The following RASGRF1 variants were observed in gnomAD, a reference collection of about 807,000 sequenced individuals.
The protein encoded by RASGRF1 is ras-specific guanine nucleotide-releasing factor 1.
In RASGRF1, 40 loss-of-function variants were observed where a neutral mutation model predicts 138.7. The observed-to-expected ratio is 0.29, with a 90% CI of 0.22 to 0.38. RASGRF1 has a LOEUF of 0.38. Ranked by LOEUF, RASGRF1 falls within the 10% of genes least tolerant of loss-of-function variation. The probability of loss-of-function intolerance (pLI) is 1.00; values close to 1 mark genes in which losing one functional copy is unlikely to be tolerated. For missense variants in RASGRF1, 1,108 were observed against 1,650.4 expected (o/e 0.67, Z 5.69); for synonymous variants, 614 against 663.2 (o/e 0.93, Z 1.14).
rs2056439933 is a variant in RASGRF1, at chr15:78,998,295, C to T, written c.2854-87G>A. ...GGGCCCAGGCCAGAGGAAGGAGCTC[C>T]AGTTTCTATTCTGCCCAGGGCAGGC... On this transcript the variant is annotated intron_variant, in intron 18 of 26. Coordinates refer to ENST00000558480, the MANE Select transcript of RASGRF1 (RefSeq NM_001145648.3). 3.5e-6 allele frequency: 4 copies of T among 1,142,896 alleles called. No individual in the cohort carries two copies. In the Admixed American group the frequency reaches 5.7e-5, roughly 16 times the overall value. The allele number at this position is 1,142,896 out of a possible 1,614,324, so 70.8% of individuals were successfully genotyped here.
chr15:79,067,116 G>A (rs142951067), intron 1 of RASGRF1, among the ~76,000 whole-genome samples: 5 of 152,264 alleles, frequency 3.3e-5, no homozygotes, highest in African/African-American at 7.2e-5. Flanking sequence ...CAGGCTTAGC[G>A]TTCAAGTGAA....
chr15:79,012,981 C>A (rs1386676111), intron 13 of RASGRF1, among the ~76,000 whole-genome samples: 1 of 152,222 alleles, frequency 6.6e-6, no homozygotes, highest in Non-Finnish European at 1.5e-5. Context: ...AATGGGCACC[C>A]TTTCCAGAGC....
chr15:79,008,550 A>C (rs967208629), intron 13 of RASGRF1, among the ~76,000 whole-genome samples: 1 of 152,216 alleles, frequency 6.6e-6, no homozygotes. Context: ...GGAGTAATCC[A>C]AGGTCAGAAG....
In RASGRF1 at chr15:78,987,928, C is replaced by T. The variant is rs78222567; in HGVS notation, c.3216+2261G>A. 5.9e-3 allele frequency among the ~76,000 whole-genome samples: 900 copies of T among 152,252 alleles called. 2 individuals carry two copies. Among genetic ancestry groups the T allele is most frequent in the Middle Eastern group, 0.014 (4 of 292 alleles). ...CAGCTTGGCCATGGTCCTGAAGATC[C>T]TGGCCAGTACCAGTTAAGAGGACAA... On this transcript the variant is annotated intron_variant, in intron 22 of 26. Transcript: ENST00000558480.
chr15:79,059,292 CCCTAT>C (rs1422525459), intron 2 of RASGRF1, among the ~76,000 whole-genome samples: 2 of 127,342 alleles, frequency 1.6e-5, no homozygotes, highest in African/African-American at 2.9e-5. Context: ...CCCTTCCCTT[CCCTAT>C]CCTTCCCTTC....
intron 1 of RASGRF1, among the ~76,000 whole-genome samples, chr15:79,069,226 G>T (rs1799137454): frequency 6.6e-6 from 1 of 152,222 alleles, no homozygotes; most frequent in South Asian, 2.1e-4. Context: ...ACAGACACAT[G>T]AATGCTTCAC....
intron 20 of RASGRF1, 125 bp from the exon 21 acceptor site, chr15:78,991,919 G>T (rs535604931): frequency 1.5e-6 from 1 of 683,382 alleles, no homozygotes; most frequent in Non-Finnish European, 2.6e-6. Flanking sequence ...GGGGTATGAC[G>T]CTGCCTCGAA....
At chr15:79,068,523 G>GTA (rs1200186327) in intron 1 of RASGRF1, among the ~76,000 whole-genome samples, 4 of 146,290 alleles carry the variant, frequency 2.7e-5, no homozygotes, top group African/African-American at 7.5e-5. Flanking sequence ...ATATGTATAA[G>GTA]TATATATATA....
intron 24 of RASGRF1, chr15:78,978,534 T>C (rs2055932137): frequency 1.0e-6 from 1 of 986,392 alleles, no homozygotes; most frequent in Non-Finnish European, 1.2e-6. Flanking sequence ...CCGAATTGGA[T>C]ATCTTAATGA....
chr15:78,972,050 A>G, intron 25 of RASGRF1, 116 bp from the exon 26 acceptor site: 1 of 898,666 alleles, frequency 1.1e-6, no homozygotes. Context: ...TTAATTCCAT[A>G]CATGTTGCCT....
At chr15:78,984,770 C>G (rs931040649) in intron 23 of RASGRF1, 7 of 563,154 alleles carry the variant, frequency 1.2e-5, no homozygotes, top group East Asian at 3.1e-5. Flanking sequence ...ATTCTTTCCA[C>G]TTTGAGGTAT....
At chr15:79,065,362 C>T (rs921278845) in intron 1 of RASGRF1, among the ~76,000 whole-genome samples, 1 of 148,078 alleles carries the variant, frequency 6.8e-6, no homozygotes, top group African/African-American at 2.5e-5. Flanking sequence ...GTCCAGAGCT[C>T]ATAGCATATT....
intron 22 of RASGRF1, among the ~76,000 whole-genome samples, chr15:78,987,743 C>T (rs954712259): frequency 6.6e-6 from 1 of 151,984 alleles, no homozygotes; most frequent in South Asian, 2.1e-4. Flanking sequence ...CCACAAAAAA[C>T]CCAAGAAGGA....
At chr15:78,998,246 T>G (rs2056439062) in intron 18 of RASGRF1, 38 bp from the exon 19 acceptor site, 1 of 1,541,788 alleles carries the variant, frequency 6.5e-7, no homozygotes, top group Non-Finnish European at 9.0e-7. Flanking sequence ...TGGTTACTGT[T>G]TTTGAGCTGC....
intron 1 of RASGRF1, among the ~76,000 whole-genome samples, chr15:79,087,900 C>G (rs1314565777): frequency 6.6e-6 from 1 of 152,210 alleles, no homozygotes; most frequent in Non-Finnish European, 1.5e-5. Flanking sequence ...TCATCTGCTA[C>G]TTTTAACCCG....
intron 13 of RASGRF1, among the ~76,000 whole-genome samples, chr15:79,011,357 T>C (rs1196445069): frequency 6.6e-6 from 1 of 152,106 alleles, no homozygotes; most frequent in Non-Finnish European, 1.5e-5. Context: ...AGATTTATAC[T>C]AGACACAGTA....
At position 79,090,263 on chromosome 15, in the gene RASGRF1, G is replaced by T. The variant is rs1016058636; in HGVS notation, c.236C>A (p.Pro79His). Residue 79 changes from proline to histidine, a missense_variant, in exon 1 of 27, where the codon CCC becomes CAC. Around this residue, in one of 3 missense-constraint regions of RASGRF1, gnomAD observed 253 missense variants for 329.5 expected, o/e 0.77. Transcript: ENST00000558480. ...CTCCTTGGCCGACAGCGCCGGCTTG[G>T]GGGAGGGCGCGCGGTCGCAGACGCA... ...EGCVCDRAPSPKPALSAKEPL... is the reference protein window; with the variant it reads ...EGCVCDRAPSHKPALSAKEPL... 2.5e-6 allele frequency: 4 copies of T among 1,610,984 alleles called. No homozygotes were observed. In the South Asian group the frequency reaches 4.4e-5, roughly 18 times the overall value.
Position 78,973,755 on chromosome 15 carries a change from C to T in RASGRF1, c.3495-335G>A, listed in dbSNP as rs1334248272. Reference sequence around the variant, plus strand: ...CCCAGTCAGTCCCTGGGCTCTGTCACCAGCCCCTCTGGACTCACCTTTCCT... The same window carrying T: ...CCCAGTCAGTCCCTGGGCTCTGTCATCAGCCCCTCTGGACTCACCTTTCCT... On this transcript the variant is annotated intron_variant, in intron 24 of 26. Transcript: ENST00000558480. The surrounding 1 kb of genome is among the most constrained non-coding windows in gnomAD (Gnocchi z 4.9). Among the ~76,000 whole-genome samples, 1 of 152,158 alleles carries T rather than the reference C, an allele frequency of 6.6e-6. No homozygotes were observed. The highest frequency in any genetic ancestry group is 2.4e-5 in the African/African-American group (1 of 41,432).
chr15:78,990,101 C>G, intron 22 of RASGRF1, 88 bp downstream of exon 22: 1 of 1,105,060 alleles, frequency 9.0e-7, no homozygotes, highest in Non-Finnish European at 1.4e-6. Flanking sequence ...TGGTTCCAGC[C>G]AGGTGTATAG....
Sources: allele counts gnomAD v4.1 joint callset (sites outside exome capture counted in the v4.1 genomes callset), GRCh38; gene constraint gnomAD v4.1.1; regional missense constraint gnomAD v4.1.1; non-coding constraint Gnocchi (gnomAD v3.1); transcripts MANE v1.5; gene names NCBI Gene and HGNC (gene_info 2026-07-23, HGNC 2026-07-21).